RIMKLB: variants seen among roughly 807,000 people sequenced by gnomAD.
The protein encoded by RIMKLB is beta-citrylglutamate synthase B.
In RIMKLB, 7 loss-of-function variants were observed where a neutral mutation model predicts 32.0. That is an observed-to-expected ratio of 0.22 (90% confidence interval 0.12 to 0.41). The LOEUF (loss-of-function observed/expected upper bound fraction) is 0.41. RIMKLB is among the 10% of genes least tolerant of loss of function. The pLI is 1.00. For synonymous variants in RIMKLB, 172 were observed against 185.1 expected, an observed-to-expected ratio of 0.93 and a Z score of 0.57; for missense variants, 289 against 498.7, an observed-to-expected ratio of 0.58 and a Z score of 4.00.
the RIMKLB span, among the ~76,000 whole-genome samples, chr12:8,669,168 C>A: frequency 6.6e-6 from 1 of 152,022 alleles, no homozygotes; most frequent in Non-Finnish European, 1.5e-5. Flanking sequence ...TTCGTCCACT[C>A]ATGGATGAAG....
chr12:8,697,317 G>A (rs1942926170), upstream of RIMKLB: 1 of 152,220 alleles, frequency 6.6e-6, no homozygotes, highest in African/African-American at 2.4e-5. Flanking sequence ...TCCAGTCCCG[G>A]ATAAAGACCT....
chr12:8,781,803 T>A (rs1201852656), downstream of RIMKLB, among the ~76,000 whole-genome samples: 1 of 151,900 alleles, frequency 6.6e-6, no homozygotes, highest in Non-Finnish European at 1.5e-5. Context: ...AGAAATTAAA[T>A]GATACTTTGA....
intron 1 of RIMKLB, among the ~76,000 whole-genome samples, chr12:8,700,787 C>G (rs1386552768): frequency 6.6e-6 from 1 of 152,254 alleles, no homozygotes; most frequent in African/African-American, 2.4e-5. Flanking sequence ...ATTATGTGGC[C>G]TGGCGCAGTG....
intron 1 of RIMKLB, among the ~76,000 whole-genome samples, chr12:8,688,889 C>A (rs1476310759): frequency 6.6e-6 from 1 of 151,668 alleles, no homozygotes; most frequent in Non-Finnish European, 1.5e-5. Context: ...GGCTGAAGTG[C>A]AGTGGCACGA....
intron 2 of RIMKLB, among the ~76,000 whole-genome samples, chr12:8,736,702 C>G (rs114838341): frequency 0.024 from 3,597 of 152,050 alleles, 132 homozygotes; most frequent in African/African-American, 0.082. Context: ...CCAGGCTGGT[C>G]TTGAACTCCT....
intron 2 of RIMKLB, among the ~76,000 whole-genome samples, chr12:8,741,970 G>C (rs1054171589): frequency 6.8e-6 from 1 of 147,798 alleles, no homozygotes; most frequent in Admixed American, 6.7e-5. Context: ...GTGCAATCTT[G>C]GCTCACTGCA....
upstream of RIMKLB, among the ~76,000 whole-genome samples, chr12:8,680,201 G>A (rs371290349): frequency 6.6e-5 from 10 of 152,044 alleles, no homozygotes; most frequent in Non-Finnish European, 1.0e-4. Flanking sequence ...TGATGCCCAC[G>A]CTGGAGCGCA....
intron 2 of RIMKLB, among the ~76,000 whole-genome samples, chr12:8,720,664 C>T (rs753689768): frequency 6.6e-5 from 10 of 152,104 alleles, no homozygotes; most frequent in Non-Finnish European, 1.3e-4. Context: ...CTCAGCCTCC[C>T]GAGTAGCTGG....
intron 1 of RIMKLB, among the ~76,000 whole-genome samples, chr12:8,701,177 G>C (rs1311817598): frequency 6.6e-6 from 1 of 152,216 alleles, no homozygotes. Context: ...ATGTGCAGTT[G>C]TTTCAAGAGG....
At chr12:8,751,921 G>C in intron 3 of RIMKLB, 36 bp from the exon 4 acceptor site, 2 of 1,274,526 alleles carry the variant, frequency 1.6e-6, no homozygotes, top group African/African-American at 1.5e-5. Flanking sequence ...TACTTCTGCT[G>C]CTGTTTGTCT....
At chr12:8,702,757 T>C (rs1393521694) in intron 1 of RIMKLB, among the ~76,000 whole-genome samples, 1 of 152,252 alleles carries the variant, frequency 6.6e-6, no homozygotes, top group Non-Finnish European at 1.5e-5. Context: ...TCCTTTGACA[T>C]GTGATTTAGT....
chr12:8,744,255 A>C (rs1947868004), intron 2 of RIMKLB, among the ~76,000 whole-genome samples: 1 of 151,914 alleles, frequency 6.6e-6, no homozygotes. Context: ...GTTTTCCTAG[A>C]ATAACATCAG....
chr12:8,685,903 G>C (rs931661202), intron 1 of RIMKLB, among the ~76,000 whole-genome samples: 1 of 152,018 alleles, frequency 6.6e-6, no homozygotes, highest in African/African-American at 2.4e-5. Context: ...CACCTCCCAG[G>C]TTCCAGCGAT....
At chr12:8,681,203 G>A (rs141763482), upstream of RIMKLB, among the ~76,000 whole-genome samples, 12 of 152,074 alleles carry the variant, frequency 7.9e-5, no homozygotes, top group East Asian at 2.1e-3. Context: ...GAGCTCAAGC[G>A]ATCCACCCTC....
rs775849283 is a variant in RIMKLB, at chr12:8,732,756, TAC to T, written c.176-17081_176-17080del. 2.9e-3 allele frequency among the ~76,000 whole-genome samples: 430 copies of T among 149,250 alleles called. 1 individual carries two copies. Among genetic ancestry groups the T allele is most frequent in the Non-Finnish European group, 4.0e-3 (271 of 67,180 alleles). ...CATGCAACAGAAAATTATATATATA[TAC>T]ACACACACACACACACACACACACT... On this transcript the variant is annotated intron_variant, in intron 2 of 5. Coordinates refer to ENST00000535829, the MANE Select transcript of RIMKLB (RefSeq NM_001297776.2).
At chr12:8,721,297 G>A (rs1271711243) in intron 2 of RIMKLB, among the ~76,000 whole-genome samples, 1 of 152,182 alleles carries the variant, frequency 6.6e-6, no homozygotes, top group Non-Finnish European at 1.5e-5. Flanking sequence ...TTGCCCCATT[G>A]ACATTAAAGA....
intron 1 of RIMKLB, among the ~76,000 whole-genome samples, chr12:8,705,007 CA>C (rs1943738063): frequency 6.6e-6 from 1 of 151,358 alleles, no homozygotes; most frequent in African/African-American, 2.4e-5. Context: ...CACAAAACCC[CA>C]AACTAAAACC....
At chr12:8,770,209 C>T (rs575441286) in intron 5 of RIMKLB, among the ~76,000 whole-genome samples, 45 of 152,272 alleles carry the variant, frequency 3.0e-4, no homozygotes, top group Non-Finnish European at 4.9e-4. Context: ...GTGATCTGTT[C>T]GCCTCGACCT....
At chr12:8,744,431 A>C (rs190878013) in intron 2 of RIMKLB, among the ~76,000 whole-genome samples, 7 of 151,992 alleles carry the variant, frequency 4.6e-5, no homozygotes, top group Admixed American at 2.0e-4. Flanking sequence ...TCTTTATCCC[A>C]TTTTTAAAAA....
Sources: allele counts gnomAD v4.1 joint callset (sites outside exome capture counted in the v4.1 genomes callset), GRCh38; gene constraint gnomAD v4.1.1; transcripts MANE v1.5; gene names NCBI Gene and HGNC (gene_info 2026-07-23, HGNC 2026-07-21).